DYNC1LI1: variants seen among roughly 807,000 people sequenced by gnomAD.
DYNC1LI1 encodes the protein dynein cytoplasmic 1 light intermediate chain 1.
In DYNC1LI1, 19 loss-of-function variants were observed where a neutral mutation model predicts 63.8. The ratio of observed to expected loss-of-function variants is 0.30; its 90% CI spans 0.21 to 0.44. The LOEUF is 0.44. Ranked by LOEUF, DYNC1LI1 falls within the 20% of genes least tolerant of loss-of-function variation. The pLI, the probability that DYNC1LI1 is intolerant of heterozygous loss-of-function variation, is 1.00. For synonymous variants in DYNC1LI1, 225 were observed against 232.3 expected (o/e 0.97, Z 0.28); for missense variants, 565 against 630.2 (o/e 0.90, Z 1.11).
intron 8 of DYNC1LI1, 71 bp downstream of exon 8, chr3:32,532,909 ATTTAAT>A (rs1369386079): frequency 5.6e-6 from 8 of 1,435,586 alleles, no homozygotes; most frequent in African/African-American, 4.4e-5. Flanking sequence ...GCCTTTCTAC[ATTTAAT>A]TTTAAAGTAT....
chr3:32,553,040 T>C (rs1698066034), intron 2 of DYNC1LI1, among the ~76,000 whole-genome samples: 1 of 152,144 alleles, frequency 6.6e-6, no homozygotes, highest in Admixed American at 6.6e-5. Flanking sequence ...CACTGACACA[T>C]CTTGTCTCAA....
At chr3:32,559,260 T>G (rs1002021750) in intron 2 of DYNC1LI1, among the ~76,000 whole-genome samples, 1 of 152,140 alleles carries the variant, frequency 6.6e-6, no homozygotes, top group East Asian at 1.9e-4. Flanking sequence ...TGTGTGTGTG[T>G]GAGACAGGGC....
chr3:32,529,418 G>A (rs1437623526), intron 11 of DYNC1LI1, 122 bp downstream of exon 11: 7 of 868,484 alleles, frequency 8.1e-6, no homozygotes, highest in Non-Finnish European at 9.8e-6. Flanking sequence ...TATATCCATA[G>A]AGACAAAGCC....
rs531578637 is a variant in DYNC1LI1, at chr3:32,569,470, C to A, written c.220+876G>T. On this transcript the variant is annotated intron_variant, in intron 2 of 12. Transcript: ENST00000273130. The stretch of plus-strand genomic sequence containing the variant: ...ATAACCAAAACAACAACAACAACAA[C>A]AAAAAACTCTGGTATTGAGCCGACA... Among the ~76,000 whole-genome samples, 139 of 152,204 alleles carry A rather than the reference C, an allele frequency of 9.1e-4. 1 individual carries two copies. Among genetic ancestry groups the A allele is most frequent in the Non-Finnish European group, 8.7e-4 (59 of 68,002 alleles).
chr3:32,545,097 C>T lies in DYNC1LI1; in HGVS notation c.347G>A (p.Arg116Lys), dbSNP rs11551101. Residue 116 changes from arginine (R) to lysine (K), a missense_variant, in exon 4 of 13, where the codon AGA becomes AAA. By Grantham distance (26) the Arg-to-Lys change is conservative. Coordinates refer to ENST00000273130, the MANE Select transcript of DYNC1LI1 (RefSeq NM_016141.4). ...TCCATCTAAGATCCAAACATTACAT[C>T]TTGTTTGATCTACAACAGACAAAAC... ...VHDEDRDDQT[R>K]CNVWILDGDL... is the part of the protein sequence containing the mutation. The T allele has an allele frequency of 1.2e-6, 2 of 1,606,214 alleles. No homozygotes were observed. Among genetic ancestry groups the T allele is most frequent in the East Asian group, 4.5e-5 (2 of 44,818 alleles).
intron 2 of DYNC1LI1, among the ~76,000 whole-genome samples, chr3:32,552,988 C>A (rs1698065145): frequency 6.6e-6 from 1 of 152,194 alleles, no homozygotes; most frequent in Non-Finnish European, 1.5e-5. Context: ...AGCCACCACA[C>A]CCGGCCTAAA....
intron 7 of DYNC1LI1, 78 bp from the exon 8 acceptor site, chr3:32,533,175 G>C (rs1053045543): frequency 1.4e-6 from 2 of 1,442,286 alleles, no homozygotes; most frequent in Middle Eastern, 2.4e-4. Context: ...CATGTAAAAG[G>C]AATACTTTCA....
chr3:32,529,444 A>C, intron 11 of DYNC1LI1, 96 bp downstream of exon 11: 1 of 1,238,388 alleles, frequency 8.1e-7, no homozygotes, highest in Non-Finnish European at 1.1e-6. Context: ...GGTATTACAC[A>C]AGAATGAAAA....
At chr3:32,562,090 TAGTG>T (rs1234353307) in intron 2 of DYNC1LI1, among the ~76,000 whole-genome samples, 5 of 151,932 alleles carry the variant, frequency 3.3e-5, no homozygotes, top group Admixed American at 1.3e-4. Flanking sequence ...CTGGGCAACA[TAGTG>T]AGACTCCCAT....
intron 2 of DYNC1LI1, among the ~76,000 whole-genome samples, chr3:32,547,229 T>A (rs1238813543): frequency 6.6e-6 from 1 of 151,892 alleles, no homozygotes; most frequent in African/African-American, 2.4e-5. Context: ...GGCAACAGAG[T>A]GAGGCTCTGT....
At chr3:32,540,013 C>T (rs974744487) in intron 5 of DYNC1LI1, among the ~76,000 whole-genome samples, 1 of 150,924 alleles carries the variant, frequency 6.6e-6, no homozygotes, top group Non-Finnish European at 1.5e-5. Flanking sequence ...TAAAGGCGCC[C>T]GCCACCACGC....
chr3:32,545,384 A>G (rs1697938511), intron 3 of DYNC1LI1: 1 of 462,954 alleles, frequency 2.2e-6, no homozygotes, highest in African/African-American at 2.0e-5. Context: ...ATCCAAAACC[A>G]GAGGATGCAT....
At position 32,528,498 on chromosome 3, in the gene DYNC1LI1, T is replaced by A. The variant is rs760612737; in HGVS notation, c.1410A>T (p.Ala470=). The change falls in exon 12 of 13, where the codon GCA becomes GCT. Residue 470 remains alanine (A), a synonymous_variant. Coordinates refer to ENST00000273130, the MANE Select transcript of DYNC1LI1 (RefSeq NM_016141.4). Reference sequence around the variant, plus strand: ...CACTGCTTCCACCTCCAGCCCCACCTGCAGGGCTACCACCACTCACACCAG... The same window carrying A: ...CACTGCTTCCACCTCCAGCCCCACCAGCAGGGCTACCACCACTCACACCAG... ...GGPGVSGGSP[A]GGAGGGSSGL... 12 of 1,614,084 alleles carry A rather than the reference T, an allele frequency of 7.4e-6. No individual in the cohort carries two copies. The highest frequency in any genetic ancestry group is 9.3e-6 in the Non-Finnish European group (11 of 1,180,018).
At chr3:32,549,139 G>T (rs1553618661) in intron 2 of DYNC1LI1, among the ~76,000 whole-genome samples, 1 of 151,780 alleles carries the variant, frequency 6.6e-6, no homozygotes, top group Non-Finnish European at 1.5e-5. Context: ...TTTCTAATTT[G>T]AATTTTACCA....
At chr3:32,543,562 C>G (rs1479924103) in intron 4 of DYNC1LI1, among the ~76,000 whole-genome samples, 1 of 147,804 alleles carries the variant, frequency 6.8e-6, no homozygotes, top group South Asian at 2.2e-4. Flanking sequence ...CCATGCTGGG[C>G]TAATTTTTTT....
intron 8 of DYNC1LI1, chr3:32,531,167 A>G (rs1022377425): frequency 6.6e-6 from 1 of 152,252 alleles, no homozygotes; most frequent in African/African-American, 2.4e-5. Context: ...CCTCTGCTCA[A>G]CCTCTCAATC....
intron 2 of DYNC1LI1, among the ~76,000 whole-genome samples, chr3:32,569,676 A>C (rs906872871): frequency 2.0e-5 from 3 of 152,210 alleles, no homozygotes; most frequent in Non-Finnish European, 4.4e-5. Context: ...TCACTAAAGA[A>C]ACAGAATACA....
intron 2 of DYNC1LI1, among the ~76,000 whole-genome samples, chr3:32,556,208 C>T (rs144605541): frequency 6.2e-4 from 95 of 152,312 alleles, no homozygotes; most frequent in African/African-American, 2.2e-3. Flanking sequence ...CCTGGGAGAA[C>T]GCTATCTTCT....
chr3:32,545,030 G>A lies in DYNC1LI1; in HGVS notation c.414C>T (p.Ala138=), dbSNP rs772499957. 9.9e-6 allele frequency: 16 copies of A among 1,613,712 alleles called. No homozygotes were observed. The highest frequency in any genetic ancestry group is 2.7e-5 in the African/African-American group (2 of 74,866). ...HKGLLKFSLD[A]VSLKDTLVML... Reference sequence around the variant, plus strand: ...TAACTAGAGTATCCTTCAGAGATACGGCATCCAGTGAAAATTTAAGGAGGC... The same window carrying A: ...TAACTAGAGTATCCTTCAGAGATACAGCATCCAGTGAAAATTTAAGGAGGC... The change falls in exon 4 of 13, where the codon GCC becomes GCT. Residue 138 remains alanine (A), a synonymous_variant. Transcript: ENST00000273130.
Sources: gnomAD v4.1 joint callset for allele counts (sites outside exome capture counted in the v4.1 genomes callset) on GRCh38, gnomAD v4.1.1 for gene constraint, MANE v1.5 for transcripts, NCBI Gene and HGNC (gene_info 2026-07-23, HGNC 2026-07-21) for gene names.